Variants in KCNJ3 observed in about 807,000 individuals in gnomAD.
The protein encoded by KCNJ3 is potassium inwardly rectifying channel subfamily J member 3.
In KCNJ3, 4 loss-of-function variants were observed where a neutral mutation model predicts 39.2. The ratio of observed to expected loss-of-function variants is 0.10; its 90% confidence interval spans 0.05 to 0.23. KCNJ3 has a LOEUF of 0.23. Ranked by LOEUF, KCNJ3 falls within the 10% of genes least tolerant of loss-of-function variation. The probability of loss-of-function intolerance (pLI) is 1.00; values close to 1 mark genes in which losing one functional copy is unlikely to be tolerated. For missense variants in KCNJ3, 276 were observed against 634.9 expected (o/e 0.43, Z 6.08); for synonymous variants, 230 against 237.4 (o/e 0.97, Z 0.29).
intron 2 of KCNJ3, among the ~76,000 whole-genome samples, chr2:154,819,239 A>G (rs575227929): frequency 9.2e-5 from 14 of 152,234 alleles, no homozygotes; most frequent in Middle Eastern, 3.4e-3. Context: ...ACTTTGTCCT[A>G]GTTTCATGGC....
intron 2 of KCNJ3, among the ~76,000 whole-genome samples, chr2:154,831,592 T>G (rs1367527905): frequency 1.3e-5 from 2 of 152,146 alleles, no homozygotes; most frequent in Non-Finnish European, 2.9e-5. Context: ...GGATGAGATG[T>G]GTCATTGAGG....
At chr2:154,753,127 G>A (rs1048915012) in intron 2 of KCNJ3, among the ~76,000 whole-genome samples, 3 of 152,056 alleles carry the variant, frequency 2.0e-5, no homozygotes, top group African/African-American at 4.8e-5. Flanking sequence ...CATTGTTTTC[G>A]TAGCAAGACT....
intron 2 of KCNJ3, among the ~76,000 whole-genome samples, chr2:154,814,307 A>C (rs1476983065): frequency 1.3e-5 from 2 of 152,164 alleles, no homozygotes; most frequent in African/African-American, 4.8e-5. Context: ...ATAAGTATAC[A>C]AATATTATAA....
At chr2:154,797,413 A>T (rs1003538220) in intron 2 of KCNJ3, among the ~76,000 whole-genome samples, 1 of 152,324 alleles carries the variant, frequency 6.6e-6, no homozygotes, top group East Asian at 1.9e-4. Flanking sequence ...TAAAATATTT[A>T]ATAAACCAAA....
intron 1 of KCNJ3, among the ~76,000 whole-genome samples, chr2:154,703,357 C>T (rs1314278312): frequency 6.6e-6 from 1 of 151,924 alleles, no homozygotes; most frequent in Non-Finnish European, 1.5e-5. Flanking sequence ...TCTTTCTTTC[C>T]TAAGAGGTCA....
intron 2 of KCNJ3, among the ~76,000 whole-genome samples, chr2:154,810,012 A>C (rs1025997): frequency 5.3e-5 from 8 of 151,914 alleles, no homozygotes; most frequent in Admixed American, 6.6e-5. Flanking sequence ...ATATGGAACA[A>C]TTATATGTGC....
At chr2:154,814,174 C>T (rs1416045498) in intron 2 of KCNJ3, among the ~76,000 whole-genome samples, 2 of 152,102 alleles carry the variant, frequency 1.3e-5, no homozygotes, top group African/African-American at 4.8e-5. Flanking sequence ...AATTTAGTAA[C>T]TAATTTTGTT....
intron 2 of KCNJ3, among the ~76,000 whole-genome samples, chr2:154,834,246 T>C (rs937868011): frequency 6.6e-6 from 1 of 152,216 alleles, no homozygotes; most frequent in Non-Finnish European, 1.5e-5. Context: ...GATAGCCATG[T>C]AATGATATCT....
chr2:154,849,121 G>GTGA (rs2105137694), intron 2 of KCNJ3, among the ~76,000 whole-genome samples: 1 of 152,246 alleles, frequency 6.6e-6, no homozygotes, highest in African/African-American at 2.4e-5. Context: ...TCACCTCTAT[G>GTGA]TGATGCTACT....
At chr2:154,757,060 T>C (rs1424253486) in intron 2 of KCNJ3, among the ~76,000 whole-genome samples, 1 of 152,150 alleles carries the variant, frequency 6.6e-6, no homozygotes, top group African/African-American at 2.4e-5. Context: ...TTAAAAAGTA[T>C]TTTTAAATGT....
At chr2:154,826,501 G>A (rs537261956) in intron 2 of KCNJ3, among the ~76,000 whole-genome samples, 3 of 152,288 alleles carry the variant, frequency 2.0e-5, no homozygotes, top group South Asian at 4.1e-4. Context: ...TTAACTTAAT[G>A]TTGGAAAGGC....
At chr2:154,821,635 A>ATTTTGTTTTT (rs1687182061) in intron 2 of KCNJ3, among the ~76,000 whole-genome samples, 1 of 88,072 alleles carries the variant, frequency 1.1e-5, no homozygotes, top group Non-Finnish European at 2.1e-5. Context: ...AGAATATGTG[A>ATTTTGTTTTT]TTTTTTTTTT....
chr2:154,729,303 C>T (rs998065484), intron 2 of KCNJ3, among the ~76,000 whole-genome samples: 1 of 152,100 alleles, frequency 6.6e-6, no homozygotes, highest in Admixed American at 6.6e-5. Flanking sequence ...TGTTTTGCAA[C>T]CAACTTTGCC....
In KCNJ3 at chr2:154,774,827, TAAAC is replaced by T. The variant is rs1292406104; in HGVS notation, c.919+65012_919+65015del. 3.9e-5 allele frequency among the ~76,000 whole-genome samples: 6 copies of T among 152,230 alleles called. No homozygotes were observed. In the East Asian group the frequency reaches 7.7e-4, roughly 19 times the overall value. On this transcript the variant is annotated intron_variant, in intron 2 of 2. Transcript: ENST00000295101. Reference sequence around the variant, plus strand: ...GGCACTTTTATGTTTAAAATTTAGATAAACAAATGTTGAAGTTATCCTTCTATTT... The same window carrying T: ...GGCACTTTTATGTTTAAAATTTAGATAAATGTTGAAGTTATCCTTCTATTT...
At chr2:154,799,984 CA>C (rs1686783715) in intron 2 of KCNJ3, among the ~76,000 whole-genome samples, 1 of 152,090 alleles carries the variant, frequency 6.6e-6, no homozygotes, top group Non-Finnish European at 1.5e-5. Context: ...GTTGAAATTT[CA>C]AATAGGATGG....
chr2:154,755,925 T>C (rs911370447), intron 2 of KCNJ3, among the ~76,000 whole-genome samples: 1 of 152,130 alleles, frequency 6.6e-6, no homozygotes, highest in Non-Finnish European at 1.5e-5. Context: ...TTAATAGAGA[T>C]AAAACTGTCT....
intron 2 of KCNJ3, among the ~76,000 whole-genome samples, chr2:154,734,913 A>G (rs1195856268): frequency 1.3e-5 from 2 of 152,242 alleles, no homozygotes; most frequent in African/African-American, 4.8e-5. Flanking sequence ...ACTCAACAGA[A>G]TGAATTGAAC....
intron 2 of KCNJ3, among the ~76,000 whole-genome samples, chr2:154,755,751 T>A (rs1267759113): frequency 6.6e-6 from 1 of 152,006 alleles, no homozygotes; most frequent in Non-Finnish European, 1.5e-5. Flanking sequence ...TGCTTAGAAA[T>A]GAAGTTATAC....
intron 2 of KCNJ3, among the ~76,000 whole-genome samples, chr2:154,725,786 C>G (rs138569016): frequency 1.2e-4 from 18 of 152,008 alleles, no homozygotes; most frequent in Non-Finnish European, 2.2e-4. Flanking sequence ...AATAGAGAAC[C>G]CTGAAATAAA....
Sources: gnomAD v4.1 joint callset for allele counts (sites outside exome capture counted in the v4.1 genomes callset) on GRCh38, gnomAD v4.1.1 for gene constraint, MANE v1.5 for transcripts, NCBI Gene and HGNC (gene_info 2026-07-23, HGNC 2026-07-21) for gene names.